The following RASAL2 variants were observed in gnomAD, a reference collection of about 807,000 sequenced individuals.
RASAL2 encodes ras GTPase-activating protein nGAP.
RASAL2 carries 58 observed loss-of-function variants against 128.9 expected under a neutral mutation model. The observed-to-expected ratio is 0.45, with a 90% CI of 0.36 to 0.56. RASAL2 has a LOEUF of 0.56. RASAL2 is among the 20% of genes least tolerant of loss of function. The pLI is 0.00. For missense variants in RASAL2, 1,360 were observed against 1,601.6 expected (o/e 0.85, Z 2.57); for synonymous variants, 561 against 580.8 (o/e 0.97, Z 0.49).
At chr1:178,236,666 C>T (rs1664257362) in intron 1 of RASAL2, among the ~76,000 whole-genome samples, 2 of 151,048 alleles carry the variant, frequency 1.3e-5, no homozygotes, top group Middle Eastern at 7.1e-3. Context: ...CTGTTTAAAA[C>T]TTTAGGGTAT....
rs371624400 is a variant in RASAL2, at chr1:178,458,447, C to A, written c.3155C>A (p.Pro1052His). Residue 1052 changes from proline to histidine, a missense_variant, in exon 14 of 18, where the codon CCT (proline) becomes CAT (histidine). Transcript: ENST00000367649. ...GTGTCCGCAGCCCTGGTGGCCGAAC[C>A]TGTGCAGAATGGGAGCCGGTCCCGG... ...SVVSAALVAEPVQNGSRSRQQ... is the reference protein window; with the variant it reads ...SVVSAALVAEHVQNGSRSRQQ... 8 of 1,614,086 alleles carry A rather than the reference C, an allele frequency of 5.0e-6. No homozygotes were observed. In the Admixed American group the frequency reaches 1.0e-4, roughly 20 times the overall value.
In RASAL2 at chr1:178,458,310, T is replaced by C; in HGVS notation, c.3018T>C (p.Thr1006=). The C allele has an allele frequency of 6.2e-7, 1 of 1,614,220 alleles. No individual in the cohort carries two copies. Among genetic ancestry groups the C allele is most frequent in the Non-Finnish European group, 8.5e-7 (1 of 1,180,036 alleles). ...TTGCTTTGCCACGACAAAATAGTAC[T>C]GGGCAGGCCCAGATCCGAAAAGTGG... ...IPLALPRQNS[T]GQAQIRKVDQ... is the part of the protein sequence containing the mutation. The change falls in exon 14 of 18, where the codon ACT becomes ACC. Residue 1006 remains threonine (T), a synonymous_variant. Transcript: ENST00000367649.
At chr1:178,454,366 A>G in intron 11 of RASAL2, 81 bp from the exon 12 acceptor site, 2 of 1,170,402 alleles carry the variant, frequency 1.7e-6, no homozygotes, top group Non-Finnish European at 2.5e-6. Context: ...AAAAAAAGTA[A>G]TAGTTCTGTG....
chr1:178,286,317 T>C (rs1408780382), intron 2 of RASAL2, among the ~76,000 whole-genome samples: 2 of 152,162 alleles, frequency 1.3e-5, no homozygotes, highest in Admixed American at 6.5e-5. Flanking sequence ...CCTCATACCA[T>C]AATGTCTGTG....
At chr1:178,447,167 C>T (rs555729823) in intron 9 of RASAL2, among the ~76,000 whole-genome samples, 1 of 152,050 alleles carries the variant, frequency 6.6e-6, no homozygotes, top group Admixed American at 6.6e-5. Context: ...CTGATTAAGA[C>T]GAGTTGTATC....
intron 1 of RASAL2, among the ~76,000 whole-genome samples, chr1:178,161,541 A>G (rs769948395): frequency 2.6e-5 from 4 of 152,188 alleles, no homozygotes; most frequent in Admixed American, 6.5e-5. Flanking sequence ...GGTTTTTTCT[A>G]CCATTTGACT....
intron 1 of RASAL2, among the ~76,000 whole-genome samples, chr1:178,110,528 T>G (rs1659262976): frequency 6.8e-6 from 1 of 147,294 alleles, no homozygotes; most frequent in African/African-American, 2.5e-5. Context: ...TGTATATATA[T>G]GCTATATATA....
At chr1:178,133,678 C>T (rs866149226) in intron 1 of RASAL2, among the ~76,000 whole-genome samples, 2 of 152,082 alleles carry the variant, frequency 1.3e-5, no homozygotes. Flanking sequence ...GCCCTGCTCC[C>T]AATGAAAGCC....
chr1:178,096,724 C>T (rs1416527969), intron 1 of RASAL2, among the ~76,000 whole-genome samples: 3 of 151,884 alleles, frequency 2.0e-5, no homozygotes, highest in Non-Finnish European at 4.4e-5. Flanking sequence ...GCAGACTTAC[C>T]ACTGCATTGT....
At chr1:178,413,100 G>C (rs1379005598) in intron 4 of RASAL2, among the ~76,000 whole-genome samples, 2 of 151,260 alleles carry the variant, frequency 1.3e-5, no homozygotes, top group Admixed American at 1.3e-4. Context: ...TCCCAGGCTG[G>C]AGGGCAGTGG....
chr1:178,291,728 C>T (rs1197648151), intron 2 of RASAL2, among the ~76,000 whole-genome samples: 4 of 152,006 alleles, frequency 2.6e-5, no homozygotes, highest in African/African-American at 4.8e-5. Context: ...TACCTTTCAC[C>T]CACACTTAAG....
At chr1:178,106,591 CT>C (rs1308043808) in intron 1 of RASAL2, among the ~76,000 whole-genome samples, 1 of 152,044 alleles carries the variant, frequency 6.6e-6, no homozygotes, top group Non-Finnish European at 1.5e-5. Context: ...TTAATGTTGT[CT>C]AGTTTTATAA....
At chr1:178,471,539 A>C (rs923502816) in intron 17 of RASAL2, among the ~76,000 whole-genome samples, 2 of 152,170 alleles carry the variant, frequency 1.3e-5, no homozygotes, top group African/African-American at 2.4e-5. Context: ...TGTATATCTT[A>C]CCACATGAGT....
At position 178,094,420 on chromosome 1, in the gene RASAL2, C is replaced by T; in HGVS notation, c.-73C>T. 1 of 1,385,202 alleles carries T rather than the reference C, an allele frequency of 7.2e-7. No individual in the cohort carries two copies. The allele number at this position is 1,385,202 out of a possible 1,614,324, so 85.8% of individuals were successfully genotyped here. A position where few individuals can be genotyped will look rare whatever the true frequency, so the allele number is the denominator to read the frequency against. On this transcript the variant is annotated 5_prime_UTR_variant, in exon 1 of 18. Transcript: ENST00000367649. ...GCGCGCTCTCCTCCTCCCCTTACCG[C>T]AGGCAGGGCGCGGAGCCGCGCGCCA...
chr1:178,099,666 A>G (rs756133452), intron 1 of RASAL2, among the ~76,000 whole-genome samples: 10 of 152,236 alleles, frequency 6.6e-5, no homozygotes, highest in Non-Finnish European at 1.3e-4. Context: ...TTCTGCAGTT[A>G]AACAAGTGAA....
At chr1:178,151,348 T>C (rs1660909109) in intron 1 of RASAL2, among the ~76,000 whole-genome samples, 1 of 152,112 alleles carries the variant, frequency 6.6e-6, no homozygotes, top group Non-Finnish European at 1.5e-5. Flanking sequence ...GAGGTTGCAG[T>C]GAGCCGAGAT....
At chr1:178,196,464 A>G (rs1346349911) in intron 1 of RASAL2, among the ~76,000 whole-genome samples, 1 of 152,234 alleles carries the variant, frequency 6.6e-6, no homozygotes, top group African/African-American at 2.4e-5. Flanking sequence ...CCTTGGAATC[A>G]ACCAACCATG....
Position 178,413,972 on chromosome 1 carries a change from G to GAAAA in RASAL2, c.565-6534_565-6531dup, listed in dbSNP as rs1055454353. 2.0e-5 allele frequency among the ~76,000 whole-genome samples: 3 copies of GAAAA among 151,288 alleles called. No individual in the cohort carries two copies. The East Asian group carries it at 5.8e-4, about 29-fold the overall frequency. ...GAAAGTGGCAAGACTGAAAAGCAAA[G>GAAAA]AAAAAAAAGACTGCAGAAAAAACAA... is the stretch of plus-strand genomic sequence containing the variant. On this transcript the variant is annotated intron_variant, in intron 4 of 17. Coordinates refer to ENST00000367649, the MANE Select transcript of RASAL2 (RefSeq NM_170692.4).
At chr1:178,196,874 A>G (rs1662676021) in intron 1 of RASAL2, among the ~76,000 whole-genome samples, 1 of 152,202 alleles carries the variant, frequency 6.6e-6, no homozygotes, top group East Asian at 1.9e-4. Context: ...ACCACAAAGA[A>G]ATACTCTTAT....
Sources: allele counts gnomAD v4.1 joint callset (sites outside exome capture counted in the v4.1 genomes callset), GRCh38; gene constraint gnomAD v4.1.1; transcripts MANE v1.5; gene names NCBI Gene and HGNC (gene_info 2026-07-23, HGNC 2026-07-21).